Variants in PLAG1 observed in about 807,000 individuals in gnomAD.
PLAG1 encodes the protein PLAG1 zinc finger.
A neutral mutation model predicts 35.5 loss-of-function variants in PLAG1; 7 were observed. The ratio of observed to expected loss-of-function variants is 0.20; its 90% CI spans 0.11 to 0.37. PLAG1 has a LOEUF of 0.37. PLAG1 is among the 10% of genes least tolerant of loss of function. The probability of loss-of-function intolerance (pLI) is 1.00; values close to 1 mark genes in which losing one functional copy is unlikely to be tolerated. For missense variants in PLAG1, 454 were observed against 602.8 expected (o/e 0.75, Z 2.58); for synonymous variants, 229 against 225.4 (o/e 1.02, Z -0.14).
In PLAG1 at chr8:56,161,031, A is replaced by G; in HGVS notation, c.*5212T>C. ...CTATTATTTAATTAGCAGCAAATTA[A>G]TATTTTAAATCTGGTATATGGACAA... On this transcript the variant is annotated 3_prime_UTR_variant, in exon 5 of 5. Transcript: ENST00000316981. 5.5e-6 allele frequency: 1 copy of G among 182,312 alleles called. No homozygotes were observed. The highest frequency in any genetic ancestry group is 2.0e-4 in the South Asian group (1 of 5,086). The allele number at this position is 182,312 out of a possible 1,614,324, so 11.3% of individuals were successfully genotyped here. A position where few individuals can be genotyped will look rare whatever the true frequency, so the allele number is the denominator to read the frequency against.
chr8:56,197,345 C>T (rs920573774), intron 1 of PLAG1, among the ~76,000 whole-genome samples: 1 of 152,174 alleles, frequency 6.6e-6, no homozygotes, highest in Non-Finnish European at 1.5e-5. Context: ...ATCTGTCTCT[C>T]CCACCTCCAC....
chr8:56,178,446 T>C, intron 2 of PLAG1, among the ~76,000 whole-genome samples: 1 of 152,344 alleles, frequency 6.6e-6, no homozygotes, highest in Middle Eastern at 3.4e-3. Context: ...AAAATTTTTA[T>C]AGTATACAGA....
At chr8:56,169,331 A>G (rs1406588410) in intron 3 of PLAG1, among the ~76,000 whole-genome samples, 2 of 152,154 alleles carry the variant, frequency 1.3e-5, no homozygotes, top group African/African-American at 2.4e-5. Flanking sequence ...CAGAGTTTCA[A>G]TGTGTTATTG....
chr8:56,183,980 C>T (rs568938750), intron 1 of PLAG1, among the ~76,000 whole-genome samples: 30 of 152,214 alleles, frequency 2.0e-4, no homozygotes, highest in African/African-American at 7.2e-4. Context: ...ACTGATAAGT[C>T]GGATTTCATC....
chr8:56,200,916 G>A (rs1374273566), intron 1 of PLAG1, among the ~76,000 whole-genome samples: 1 of 152,184 alleles, frequency 6.6e-6, no homozygotes. Flanking sequence ...TAAAAGCAGA[G>A]AAGTTTAAAA....
intron 1 of PLAG1, among the ~76,000 whole-genome samples, chr8:56,208,348 T>C (rs1391628692): frequency 6.6e-6 from 1 of 152,192 alleles, no homozygotes; most frequent in Admixed American, 6.5e-5. Context: ...CAATCAATTT[T>C]GATTTAACTG....
At chr8:56,182,292 C>T (rs941830319) in intron 1 of PLAG1, among the ~76,000 whole-genome samples, 1 of 152,048 alleles carries the variant, frequency 6.6e-6, no homozygotes, top group Non-Finnish European at 1.5e-5. Context: ...ACTTATGTGC[C>T]TAATAGTATT....
rs1298462424 is a variant in PLAG1 at position 56,166,246 on chromosome 8, C to T, written c.1500G>A (p.Gln500=). 1 of 1,578,130 alleles carries T rather than the reference C, an allele frequency of 6.3e-7. No individual in the cohort carries two copies. Among genetic ancestry groups the T allele is most frequent in the East Asian group, 2.2e-5 (1 of 44,586 alleles). ...AATGAATCCATGTCCCAGAATCCTA[C>T]TGAAAAGCTTGATGGAAACGTGGGA... ...TTLPRFHQAF[Q] is the part of the protein sequence containing the mutation. The change falls in exon 5 of 5, where the codon CAG becomes CAA. Residue 500 remains glutamine, a synonymous_variant. Transcript: ENST00000316981.
intron 2 of PLAG1, among the ~76,000 whole-genome samples, chr8:56,172,042 C>T (rs1219131612): frequency 6.6e-6 from 1 of 152,122 alleles, no homozygotes. Flanking sequence ...GATCAGTAAA[C>T]TCAGAGTATT....
At position 56,161,401 on chromosome 8, in the gene PLAG1, A is replaced by G. The variant is rs540358839; in HGVS notation, c.*4842T>C. On this transcript the variant is annotated 3_prime_UTR_variant, in exon 5 of 5. Coordinates refer to ENST00000316981, the MANE Select transcript of PLAG1 (RefSeq NM_002655.3). ...ACACTTTTTCATTAGCTAAAAATAC[A>G]ATTTCAGCAGTCCAGCTTATGTTCA... is the stretch of plus-strand genomic sequence containing the variant. The G allele has an allele frequency of 5.0e-5, 11 of 219,630 alleles. No individual in the cohort carries two copies. The Admixed American group carries it at 5.2e-4, about 10-fold the overall frequency. The allele number at this position is 219,630 out of a possible 1,614,324, so 13.6% of individuals were successfully genotyped here.
At chr8:56,177,807 C>G (rs1438131075) in intron 2 of PLAG1, among the ~76,000 whole-genome samples, 2 of 152,162 alleles carry the variant, frequency 1.3e-5, no homozygotes, top group Non-Finnish European at 1.5e-5. Flanking sequence ...AGAAGACAAG[C>G]CCCAGAGAAA....
At chr8:56,208,080 T>G (rs1563398251) in intron 1 of PLAG1, among the ~76,000 whole-genome samples, 1 of 152,138 alleles carries the variant, frequency 6.6e-6, no homozygotes, top group Admixed American at 6.5e-5. Context: ...CATTTTTTTA[T>G]AGAGATTGAA....
Position 56,168,270 on chromosome 8 carries a change from C to G in PLAG1, c.-1G>C. On this transcript the variant is annotated 5_prime_UTR_variant, in exon 4 of 5. Transcript: ENST00000316981. ...AATCACCAGGAATGACAGTGGCCATCGCAGCCTAAACCAGGCCTTCTTGTT... is the reference window on the plus strand; with the variant it reads ...AATCACCAGGAATGACAGTGGCCATGGCAGCCTAAACCAGGCCTTCTTGTT... 1 of 1,609,074 alleles carries G rather than the reference C, an allele frequency of 6.2e-7. No homozygotes were observed. The highest frequency in any genetic ancestry group is 8.5e-7 in the Non-Finnish European group (1 of 1,176,808).
At chr8:56,187,165 C>A (rs1431527718) in intron 1 of PLAG1, among the ~76,000 whole-genome samples, 2 of 152,238 alleles carry the variant, frequency 1.3e-5, no homozygotes, top group Non-Finnish European at 2.9e-5. Flanking sequence ...CCCTACACTG[C>A]ATGATGATAC....
chr8:56,179,513 C>T lies in PLAG1; in HGVS notation c.-321G>A. ...CGGCCAAGGCAGCACCAAGAGGCAA[C>T]CTAAAAAGAAAAGAAGAGTTAGTTT... On this transcript the variant is annotated splice_region_variant and 5_prime_UTR_variant, in exon 2 of 5. Transcript: ENST00000316981. 1.1e-6 allele frequency: 1 copy of T among 924,896 alleles called. No homozygotes were observed. Among genetic ancestry groups the T allele is most frequent in the Non-Finnish European group, 1.3e-6 (1 of 774,480 alleles). 57.3% of individuals were successfully genotyped at this position (924,896 alleles called of 1,614,324 possible).
intron 1 of PLAG1, among the ~76,000 whole-genome samples, chr8:56,198,890 G>GT (rs1304968292): frequency 6.6e-6 from 1 of 152,190 alleles, no homozygotes; most frequent in Non-Finnish European, 1.5e-5. Context: ...GCCTGGCTTA[G>GT]TACCCAGCAT....
At chr8:56,202,096 A>G (rs1812572147) in intron 1 of PLAG1, among the ~76,000 whole-genome samples, 1 of 152,138 alleles carries the variant, frequency 6.6e-6, no homozygotes, top group Non-Finnish European at 1.5e-5. Context: ...CTAGATTTAA[A>G]ATACTAGTCT....
intron 1 of PLAG1, among the ~76,000 whole-genome samples, chr8:56,210,184 G>A (rs1454978259): frequency 6.6e-6 from 1 of 152,142 alleles, no homozygotes; most frequent in African/African-American, 2.4e-5. Context: ...CTTGGTCCCT[G>A]CAAAGTCAAA....
chr8:56,173,924 G>T (rs1198932463), intron 2 of PLAG1, among the ~76,000 whole-genome samples: 2 of 152,084 alleles, frequency 1.3e-5, no homozygotes, highest in African/African-American at 2.4e-5. Context: ...ACATCAGAGG[G>T]TCTACTAAAA....
Sources: gnomAD v4.1 joint callset for allele counts (sites outside exome capture counted in the v4.1 genomes callset) on GRCh38, gnomAD v4.1.1 for gene constraint, MANE v1.5 for transcripts, NCBI Gene and HGNC (gene_info 2026-07-23, HGNC 2026-07-21) for gene names.